Variants in FGF12 observed in about 807,000 individuals in gnomAD.
The protein encoded by FGF12 is fibroblast growth factor 12B.
FGF12 carries 14 observed loss-of-function variants against 23.6 expected under a neutral mutation model. The ratio of observed to expected loss-of-function variants is 0.59; its 90% CI spans 0.39 to 0.93. The LOEUF (loss-of-function observed/expected upper bound fraction) is 0.93, where lower values mean the gene tolerates loss of function less well. Among genes scored for constraint, FGF12 ranks in the 40% least tolerant of loss-of-function variants. The pLI, the probability that FGF12 is intolerant of heterozygous loss-of-function variation, is 0.00. For missense variants in FGF12, 175 were observed against 217.8 expected, an observed-to-expected ratio of 0.80 and a Z score of 1.24; for synonymous variants, 62 against 77.3, an observed-to-expected ratio of 0.80 and a Z score of 1.04.
At chr3:192,306,017 C>T (rs1006980345) in intron 4 of FGF12, among the ~76,000 whole-genome samples, 5 of 151,866 alleles carry the variant, frequency 3.3e-5, no homozygotes, top group Admixed American at 6.6e-5. Flanking sequence ...CCTGCCAACA[C>T]ACCCGGCTAA....
intron 2 of FGF12, among the ~76,000 whole-genome samples, chr3:192,661,316 G>A (rs1158918463): frequency 6.6e-6 from 1 of 152,232 alleles, no homozygotes; most frequent in Non-Finnish European, 1.5e-5. Context: ...GAGGTCAGGA[G>A]TTTGAGACCA....
At chr3:192,162,323 T>C (rs1394203521) in intron 5 of FGF12, among the ~76,000 whole-genome samples, 1 of 152,118 alleles carries the variant, frequency 6.6e-6, no homozygotes, top group Non-Finnish European at 1.5e-5. Context: ...GCATTCACTG[T>C]GCTATACATA....
chr3:192,227,211 T>C (rs189579185), intron 4 of FGF12, among the ~76,000 whole-genome samples: 105 of 152,268 alleles, frequency 6.9e-4, no homozygotes, highest in Non-Finnish European at 1.2e-3. Context: ...TTATAAAGTC[T>C]TACTACTCTG....
At chr3:192,718,044 T>C (rs1718915430) in intron 2 of FGF12, among the ~76,000 whole-genome samples, 1 of 152,104 alleles carries the variant, frequency 6.6e-6, no homozygotes, top group Non-Finnish European at 1.5e-5. Flanking sequence ...TTGAGTGCAA[T>C]TGTTTTTTAG....
intron 2 of FGF12, among the ~76,000 whole-genome samples, chr3:192,708,069 T>C (rs538443234): frequency 3.2e-4 from 49 of 152,214 alleles, no homozygotes; most frequent in Non-Finnish European, 6.0e-4. Flanking sequence ...ACTCCATTCT[T>C]CTGCCTCAGC....
chr3:192,562,792 T>C (rs571518782), intron 2 of FGF12, among the ~76,000 whole-genome samples: 6 of 151,836 alleles, frequency 4.0e-5, no homozygotes, highest in East Asian at 1.9e-4. Context: ...TGGAGTGCAG[T>C]GGCGCAATGT....
chr3:192,400,848 T>C (rs916680165), intron 2 of FGF12, among the ~76,000 whole-genome samples: 1 of 152,196 alleles, frequency 6.6e-6, no homozygotes, highest in Non-Finnish European at 1.5e-5. Flanking sequence ...CTTATGAAGT[T>C]CTGCTCATTC....
intron 4 of FGF12, among the ~76,000 whole-genome samples, chr3:192,218,056 C>T (rs752374301): frequency 5.9e-5 from 9 of 152,066 alleles, no homozygotes; most frequent in Non-Finnish European, 1.0e-4. Flanking sequence ...AGGCTGGCCT[C>T]GAACTCCCAA....
At chr3:192,649,350 C>T (rs1229686457) in intron 2 of FGF12, among the ~76,000 whole-genome samples, 1 of 152,014 alleles carries the variant, frequency 6.6e-6, no homozygotes, top group Non-Finnish European at 1.5e-5. Context: ...AGAGCTAGGC[C>T]CTCCCAAAGT....
chr3:192,663,268 T>C (rs1188404647), intron 2 of FGF12, among the ~76,000 whole-genome samples: 1 of 152,260 alleles, frequency 6.6e-6, no homozygotes, highest in Non-Finnish European at 1.5e-5. Flanking sequence ...ATGATAATTG[T>C]AGTCTAGGGA....
At chr3:192,687,199 A>AAT (rs1717779349) in intron 2 of FGF12, among the ~76,000 whole-genome samples, 1 of 151,752 alleles carries the variant, frequency 6.6e-6, no homozygotes, top group Non-Finnish European at 1.5e-5. Flanking sequence ...AGATGAGACA[A>AAT]ATATTTGCCT....
chr3:192,688,989 A>G (rs1308479234), intron 2 of FGF12, among the ~76,000 whole-genome samples: 2 of 152,230 alleles, frequency 1.3e-5, no homozygotes, highest in African/African-American at 2.4e-5. Flanking sequence ...AGCCAATCAC[A>G]GAAAGACATA....
chr3:192,206,980 T>C lies in FGF12; in HGVS notation c.229-36324A>G, dbSNP rs529725968. 5.3e-5 allele frequency among the ~76,000 whole-genome samples: 8 copies of C among 152,292 alleles called. No homozygotes were observed. The South Asian group carries it at 1.7e-3, about 32-fold the overall frequency. On this transcript the variant is annotated intron_variant, in intron 4 of 5. Coordinates refer to ENST00000445105, the MANE Select transcript of FGF12 (RefSeq NM_004113.6). ...AGGCAGAACATAATTTCACACATTT[T>C]TTCATGTATTAGACATCAGTCGTGG... is the stretch of plus-strand genomic sequence containing the variant.
intron 2 of FGF12, among the ~76,000 whole-genome samples, chr3:192,624,890 T>A (rs1219221045): frequency 6.6e-6 from 1 of 152,132 alleles, no homozygotes; most frequent in Admixed American, 6.6e-5. Flanking sequence ...TTTTGTCATG[T>A]TTTACTGCAT....
At chr3:192,449,260 C>T (rs1414251314) in intron 2 of FGF12, among the ~76,000 whole-genome samples, 2 of 152,170 alleles carry the variant, frequency 1.3e-5, no homozygotes, top group Non-Finnish European at 2.9e-5. Context: ...GTTTCTCTCC[C>T]TGCTTCCAGT....
At chr3:192,243,690 T>C (rs1719738488) in intron 4 of FGF12, among the ~76,000 whole-genome samples, 1 of 151,868 alleles carries the variant, frequency 6.6e-6, no homozygotes, top group African/African-American at 2.4e-5. Context: ...TCTCAGAAAC[T>C]ATAAAAAAAA....
intron 2 of FGF12, among the ~76,000 whole-genome samples, chr3:192,582,511 T>C (rs1713197486): frequency 6.6e-6 from 1 of 152,140 alleles, no homozygotes. Context: ...CTGTGAGATC[T>C]GGTCCAGCAC....
intron 2 of FGF12, among the ~76,000 whole-genome samples, chr3:192,531,972 G>T (rs897970652): frequency 6.6e-6 from 1 of 152,132 alleles, no homozygotes; most frequent in South Asian, 2.1e-4. Context: ...CATGTAGCTT[G>T]CTAGTTTTCC....
At chr3:192,648,159 T>G (rs552168058) in intron 2 of FGF12, among the ~76,000 whole-genome samples, 2 of 152,268 alleles carry the variant, frequency 1.3e-5, no homozygotes, top group African/African-American at 4.8e-5. Flanking sequence ...TGACACAATA[T>G]TCTATCATTA....
Sources: gnomAD v4.1 joint callset for allele counts (sites outside exome capture counted in the v4.1 genomes callset) on GRCh38, gnomAD v4.1.1 for gene constraint, MANE v1.5 for transcripts, NCBI Gene and HGNC (gene_info 2026-07-23, HGNC 2026-07-21) for gene names.